The following SNTB2 variants were observed in gnomAD, a reference collection of about 807,000 sequenced individuals.
The protein encoded by SNTB2 is beta-2-syntrophin.
Under a neutral mutation model 46.2 loss-of-function variants are expected in SNTB2, and 34 were observed. That is an observed-to-expected ratio of 0.74 (90% confidence interval 0.56 to 0.98). The LOEUF (loss-of-function observed/expected upper bound fraction) is 0.98, where lower values mean the gene tolerates loss of function less well. SNTB2 is among the 50% of genes least tolerant of loss of function. SNTB2 has a pLI of 0.00. For synonymous variants in SNTB2, 290 were observed against 312.6 expected (o/e 0.93, Z 0.76); for missense variants, 603 against 731.4 (o/e 0.82, Z 2.02).
Position 69,264,265 on chromosome 16 carries a change from C to T in SNTB2, c.1005+4005C>T, listed in dbSNP as rs182981931. On this transcript the variant is annotated intron_variant, in intron 3 of 6. Coordinates refer to ENST00000336278, the MANE Select transcript of SNTB2 (RefSeq NM_006750.4). Reference sequence around the variant, plus strand: ...TAGCCCCAGCTAAGCCGAGGGCTCTCGCTCTTCTGGTCTCCTGGGTCTGCC... The same window carrying T: ...TAGCCCCAGCTAAGCCGAGGGCTCTTGCTCTTCTGGTCTCCTGGGTCTGCC... 2.6e-4 allele frequency among the ~76,000 whole-genome samples: 39 copies of T among 152,274 alleles called. No homozygotes were observed. The East Asian group carries it at 6.7e-3, about 26-fold the overall frequency.
Position 69,193,079 on chromosome 16 carries a change from A to C in SNTB2, c.580+5333A>C, listed in dbSNP as rs78218176. Among the ~76,000 whole-genome samples, 1,048 of 152,176 alleles carry C rather than the reference A, an allele frequency of 6.9e-3. 10 individuals carry two copies. Among genetic ancestry groups the C allele is most frequent in the African/African-American group, 0.024 (991 of 41,522 alleles). ...AGTTGAGCAGTGTATTTTTGAATTT[A>C]ATCTGTCATGCATGTAAAATGTTAC... On this transcript the variant is annotated intron_variant, in intron 1 of 6. Coordinates refer to ENST00000336278, the MANE Select transcript of SNTB2 (RefSeq NM_006750.4).
At chr16:69,253,787 T>C (rs948124618) in intron 2 of SNTB2, among the ~76,000 whole-genome samples, 2 of 152,222 alleles carry the variant, frequency 1.3e-5, no homozygotes, top group African/African-American at 4.8e-5. Flanking sequence ...ATAACAGATT[T>C]ATTTTCCATT....
rs140768303 is a variant in SNTB2 at position 69,243,491 on chromosome 16, G to A, written c.581-2111G>A. ...TGTGTGTAGTAATCAGTTCAGTGAT[G>A]CTACTGTGTGATTGAATGAACTGAG... is the stretch of plus-strand genomic sequence containing the variant. On this transcript the variant is annotated intron_variant, in intron 1 of 6. Transcript: ENST00000336278. Among the ~76,000 whole-genome samples, 225 of 152,316 alleles carry A rather than the reference G, an allele frequency of 1.5e-3. 2 individuals are homozygous for A. The highest frequency in any genetic ancestry group is 0.014 in the Middle Eastern group (4 of 294).
intron 2 of SNTB2, among the ~76,000 whole-genome samples, chr16:69,257,654 C>T (rs1285074362): frequency 6.6e-6 from 1 of 152,072 alleles, no homozygotes; most frequent in East Asian, 1.9e-4. Context: ...ACCATGTTAG[C>T]CAGGATGGTT....
chr16:69,201,847 A>G (rs1964164741), intron 1 of SNTB2, among the ~76,000 whole-genome samples: 2 of 152,190 alleles, frequency 1.3e-5, no homozygotes, highest in Admixed American at 6.5e-5. Flanking sequence ...GAGTGCCTCT[A>G]AAATTGTTAA....
intron 1 of SNTB2, among the ~76,000 whole-genome samples, chr16:69,195,737 A>G (rs1036500908): frequency 6.6e-6 from 1 of 152,146 alleles, no homozygotes; most frequent in South Asian, 2.1e-4. Flanking sequence ...CACTCACATT[A>G]TCAGTTTGGA....
At chr16:69,252,640 GAAGTA>G (rs965184481) in intron 2 of SNTB2, among the ~76,000 whole-genome samples, 25 of 152,136 alleles carry the variant, frequency 1.6e-4, no homozygotes, top group African/African-American at 4.8e-4. Context: ...CTAAACAGGA[GAAGTA>G]AAGTAAGCTA....
intron 1 of SNTB2, among the ~76,000 whole-genome samples, chr16:69,194,852 A>G (rs191904479): frequency 1.3e-5 from 2 of 152,346 alleles, no homozygotes; most frequent in East Asian, 3.9e-4. Context: ...TAAATAGCAG[A>G]CATTCATTAC....
At position 69,306,096 on chromosome 16, in the gene SNTB2, C is replaced by G. The variant is rs1965313981; in HGVS notation, c.*5172C>G. On this transcript the variant is annotated 3_prime_UTR_variant, in exon 7 of 7. Coordinates refer to ENST00000336278, the MANE Select transcript of SNTB2 (RefSeq NM_006750.4). ...CACTAGTAATAGACTGCTTAAGTGG[C>G]TGATTTGAAACCTTTCTCTAAAAAA... 1 of 152,054 alleles carries G rather than the reference C, an allele frequency of 6.6e-6. No individual in the cohort carries two copies. The highest frequency in any genetic ancestry group is 2.4e-5 in the African/African-American group (1 of 41,372). The allele number at this position is 152,054 out of a possible 1,614,324, so 9.4% of individuals were successfully genotyped here.
intron 5 of SNTB2, among the ~76,000 whole-genome samples, chr16:69,296,595 G>A (rs769336225): frequency 3.3e-5 from 5 of 151,008 alleles, no homozygotes; most frequent in African/African-American, 1.2e-4. Context: ...GGTGGCACAT[G>A]CCTGTAATCC....
At chr16:69,292,364 A>ATATATATATATTATATATATAT (rs1965168706) in intron 5 of SNTB2, among the ~76,000 whole-genome samples, 2 of 34,802 alleles carry the variant, frequency 5.7e-5, no homozygotes, top group African/African-American at 2.7e-4. Flanking sequence ...TTATATATAT[A>ATATATATATATTATATATATAT]TATATATATA....
chr16:69,248,374 C>T (rs1175918634), intron 2 of SNTB2, among the ~76,000 whole-genome samples: 1 of 152,182 alleles, frequency 6.6e-6, no homozygotes, highest in Non-Finnish European at 1.5e-5. Flanking sequence ...TGGCTCACGC[C>T]TGTAATCCCA....
intron 4 of SNTB2, among the ~76,000 whole-genome samples, chr16:69,280,802 CTT>C (rs35066494): frequency 3.4e-5 from 5 of 146,260 alleles, no homozygotes; most frequent in Non-Finnish European, 3.0e-5. Flanking sequence ...TTCATTCTCT[CTT>C]TTTTTTTTTT....
chr16:69,247,288 T>G (rs753872095), intron 2 of SNTB2, among the ~76,000 whole-genome samples: 13 of 152,058 alleles, frequency 8.5e-5, no homozygotes, highest in African/African-American at 1.2e-4. Flanking sequence ...TCCCTCCTAG[T>G]TCTATAATCA....
intron 2 of SNTB2, among the ~76,000 whole-genome samples, chr16:69,253,366 C>A (rs1285285804): frequency 6.6e-6 from 1 of 151,784 alleles, no homozygotes; most frequent in African/African-American, 2.4e-5. Flanking sequence ...AACTGGTTAA[C>A]TGGCCGGGCG....
rs1491478685 is a variant in SNTB2, at chr16:69,292,418, T to TA, written c.1346-7172_1346-7171insA. Among the ~76,000 whole-genome samples, 48 of 14,248 alleles carry TA rather than the reference T, an allele frequency of 3.4e-3. 6 individuals carry two copies. The highest frequency in any genetic ancestry group is 0.033 in the African/African-American group (44 of 1,336). The allele number at this position is 14,248 out of a possible 152,430, so 9.3% of individuals were successfully genotyped here. ...TATATATATATATATTATATATATA[T>TA]TATATATATATATATATTATATATA... On this transcript the variant is annotated intron_variant, in intron 5 of 6. Transcript: ENST00000336278.
At position 69,298,606 on chromosome 16, in the gene SNTB2, C is replaced by G. The variant is rs146220904; in HGVS notation, c.1346-984C>G. On this transcript the variant is annotated intron_variant, in intron 5 of 6. Coordinates refer to ENST00000336278, the MANE Select transcript of SNTB2 (RefSeq NM_006750.4). ...GCGTGATTTCATCTCACTGCAACCT[C>G]TGCCTCCCAGGTGCAAGCAGTTATC... 3.2e-3 allele frequency among the ~76,000 whole-genome samples: 472 copies of G among 147,472 alleles called. 1 individual carries two copies. Among genetic ancestry groups the G allele is most frequent in the African/African-American group, 0.011 (448 of 40,006 alleles).
At chr16:69,299,528 C>T (rs774984352) in intron 5 of SNTB2, 62 bp from the exon 6 acceptor site, 9 of 1,516,618 alleles carry the variant, frequency 5.9e-6, no homozygotes, top group Middle Eastern at 3.6e-4. Context: ...AGAAGATTCC[C>T]TTTTCACTTG....
intron 1 of SNTB2, among the ~76,000 whole-genome samples, chr16:69,201,115 C>G (rs1007789098): frequency 2.6e-5 from 4 of 152,166 alleles, no homozygotes; most frequent in African/African-American, 9.7e-5. Flanking sequence ...TCAGGAAAGC[C>G]ATAGGAAAAC....
Sources: allele counts gnomAD v4.1 joint callset (sites outside exome capture counted in the v4.1 genomes callset), GRCh38; gene constraint gnomAD v4.1.1; transcripts MANE v1.5; gene names NCBI Gene and HGNC (gene_info 2026-07-23, HGNC 2026-07-21).